CHM: variants seen among roughly 807,000 people sequenced by gnomAD.
CHM encodes the protein rab proteins geranylgeranyltransferase component A 1.
CHM carries 10 observed loss-of-function variants against 49.0 expected under a neutral mutation model. The observed-to-expected ratio is 0.20, with a 90% CI of 0.13 to 0.35. The LOEUF (loss-of-function observed/expected upper bound fraction) is 0.35. Among genes scored for constraint, CHM ranks in the 10% least tolerant of loss-of-function variants. The pLI, the probability that CHM is intolerant of heterozygous loss-of-function variation, is 1.00. For missense variants in CHM, 455 were observed against 478.4 expected (o/e 0.95, Z 0.46); for synonymous variants, 184 against 167.5 (o/e 1.10, Z -0.76).
chrX:85,891,981 T>C (rs769981281), intron 12 of CHM, among the ~76,000 whole-genome samples: 2 of 112,060 alleles, frequency 1.8e-5, no homozygotes, highest in African/African-American at 6.5e-5. Context: ...GGAGATCATT[T>C]TGGAGCTTTA....
At chrX:86,007,704 G>A (rs995997445) in intron 2 of CHM, among the ~76,000 whole-genome samples, 1 of 112,298 alleles carries the variant, frequency 8.9e-6, no homozygotes, top group African/African-American at 3.2e-5. Flanking sequence ...AAACCACAAT[G>A]AGGTACCAAC....
At chrX:86,020,234 T>G (rs1933479879) in intron 2 of CHM, among the ~76,000 whole-genome samples, 1 of 111,334 alleles carries the variant, frequency 9.0e-6, no homozygotes, top group Non-Finnish European at 1.9e-5. Context: ...AAGACTCAGC[T>G]GAAATGTCAC....
In CHM at chrX:85,992,511, C is replaced by G. The variant is rs183412687; in HGVS notation, c.117-10702G>C. ...AAGAGTCATGACATCTCCCTGGTGACAAATAATAGAATAGGCTAGAAAATA... is the reference window on the plus strand; with the variant it reads ...AAGAGTCATGACATCTCCCTGGTGAGAAATAATAGAATAGGCTAGAAAATA... On this transcript the variant is annotated intron_variant, in intron 2 of 14. Transcript: ENST00000357749. Among the ~76,000 whole-genome samples, 22 of 111,380 alleles carry G rather than the reference C, an allele frequency of 2.0e-4. 1 individual carries two copies. In the East Asian group the frequency reaches 5.4e-3, roughly 27 times the overall value.
In CHM at chrX:85,997,893, T is replaced by C. The variant is rs1161495321; in HGVS notation, c.117-16084A>G. Among the ~76,000 whole-genome samples, 4 of 110,057 alleles carry C rather than the reference T, an allele frequency of 3.6e-5. No individual in the cohort carries two copies. The East Asian group carries it at 1.1e-3, about 32-fold the overall frequency. ...TGAACCCAAGAGACAGAGGTTGCAG[T>C]GAGCTGAGATGGCGTCACTGCACTC... On this transcript the variant is annotated intron_variant, in intron 2 of 14. Coordinates refer to ENST00000357749, the MANE Select transcript of CHM (RefSeq NM_000390.4).
intron 2 of CHM, among the ~76,000 whole-genome samples, chrX:86,006,561 A>G (rs906039313): frequency 1.1e-4 from 12 of 112,333 alleles, no homozygotes; most frequent in Non-Finnish European, 1.7e-4. Context: ...CAACTTCAGC[A>G]AAGTCTCAGG....
intron 2 of CHM, among the ~76,000 whole-genome samples, chrX:85,998,397 T>G (rs926173234): frequency 2.7e-5 from 3 of 111,656 alleles, no homozygotes; most frequent in Non-Finnish European, 3.8e-5. Flanking sequence ...TTGGGAGTGG[T>G]ATGTGGGAAG....
intron 2 of CHM, among the ~76,000 whole-genome samples, chrX:86,010,302 A>G (rs1308924783): frequency 9.5e-6 from 1 of 105,399 alleles, no homozygotes; most frequent in Non-Finnish European, 1.9e-5. Flanking sequence ...ATGTATACCT[A>G]TGTAACAAAC....
chrX:86,000,967 T>C (rs1389058544), intron 2 of CHM, among the ~76,000 whole-genome samples: 1 of 111,971 alleles, frequency 8.9e-6, no homozygotes, highest in East Asian at 2.8e-4. Flanking sequence ...TAATTATGTA[T>C]TTCAAAATAG....
At chrX:85,865,719 G>T (rs1409775027) in intron 14 of CHM, among the ~76,000 whole-genome samples, 2 of 112,054 alleles carry the variant, frequency 1.8e-5, no homozygotes, top group Non-Finnish European at 3.8e-5. Context: ...CCAGGCTGAG[G>T]TGGCCTCAGA....
At chrX:86,022,418 C>T (rs185416456) in intron 2 of CHM, among the ~76,000 whole-genome samples, 253 of 111,250 alleles carry the variant, frequency 2.3e-3, no homozygotes, top group Non-Finnish European at 2.8e-3. Context: ...TTCAGACTTT[C>T]TCCTCTATGG....
intron 9 of CHM, among the ~76,000 whole-genome samples, chrX:85,910,318 A>T (rs1278977134): frequency 8.9e-6 from 1 of 111,800 alleles, no homozygotes; most frequent in Non-Finnish European, 1.9e-5. Context: ...TCCAGTTCAA[A>T]TATTAAAATG....
intron 11 of CHM, among the ~76,000 whole-genome samples, chrX:85,895,341 AC>A (rs1202055755): frequency 9.4e-6 from 1 of 105,912 alleles, no homozygotes; most frequent in Non-Finnish European, 1.9e-5. Context: ...ATGGGGCTTC[AC>A]CATGTTGGCC....
rs5923410 is a variant in CHM, at chrX:85,966,441, T to C, written c.315-2389A>G. Among the ~76,000 whole-genome samples the C allele has an allele frequency of 7.9e-3, 882 of 111,325 alleles. 1 individual carries two copies. The highest frequency in any genetic ancestry group is 0.014 in the Middle Eastern group (3 of 218). ...TCAAAACCTGTATACCTAGGTTTTC[T>C]GCATTCACATGACAAAAGCCCATTG... is the stretch of plus-strand genomic sequence containing the variant. On this transcript the variant is annotated intron_variant, in intron 4 of 14. Coordinates refer to ENST00000357749, the MANE Select transcript of CHM (RefSeq NM_000390.4).
At chrX:85,932,890 G>C (rs1257314268) in intron 8 of CHM, among the ~76,000 whole-genome samples, 1 of 112,118 alleles carries the variant, frequency 8.9e-6, no homozygotes, top group Admixed American at 9.5e-5. Flanking sequence ...ATATGTGACA[G>C]TAGCAGCTCT....
chrX:85,969,396 T>G (rs1930762941), intron 4 of CHM: 13 of 725,555 alleles, frequency 1.8e-5, no homozygotes, highest in Non-Finnish European at 2.1e-5. Context: ...CACCTTTTTA[T>G]AGTCTGTTCA....
At chrX:85,889,737 G>GA (rs946490630) in intron 12 of CHM, among the ~76,000 whole-genome samples, 5 of 109,366 alleles carry the variant, frequency 4.6e-5, no homozygotes, top group East Asian at 5.8e-4. Flanking sequence ...ATTGTACAAA[G>GA]AAAAAAAAAT....
intron 3 of CHM, among the ~76,000 whole-genome samples, chrX:85,981,204 T>TATATATATATATATATATATATATATATA (rs1931572499): frequency 2.0e-5 from 1 of 50,729 alleles, no homozygotes; most frequent in African/African-American, 6.9e-5. Flanking sequence ...ACATTTCTAT[T>TATATATATATATATATATATATATATATA]TCTATATATA....
intron 8 of CHM, among the ~76,000 whole-genome samples, chrX:85,937,486 A>G (rs1227725077): frequency 9.2e-6 from 1 of 109,130 alleles, no homozygotes; most frequent in African/African-American, 3.3e-5. Context: ...TTTTGTATCT[A>G]CCTATGAGGG....
At chrX:86,006,333 T>C (rs1485618534) in intron 2 of CHM, among the ~76,000 whole-genome samples, 2 of 111,826 alleles carry the variant, frequency 1.8e-5, no homozygotes, top group Non-Finnish European at 3.8e-5. Flanking sequence ...ACTGGAAGCA[T>C]TCCCTTTGAA....
Sources: allele counts gnomAD v4.1 joint callset (sites outside exome capture counted in the v4.1 genomes callset), GRCh38; gene constraint gnomAD v4.1.1; transcripts MANE v1.5; gene names NCBI Gene and HGNC (gene_info 2026-07-23, HGNC 2026-07-21).